The following GATA1 variants were observed in gnomAD, a reference collection of about 807,000 sequenced individuals.
GATA1 encodes the protein GATA binding protein 1.
Under a neutral mutation model 18.9 loss-of-function variants are expected in GATA1, and 2 were observed. The ratio of observed to expected loss-of-function variants is 0.11; its 90% CI spans 0.04 to 0.33. GATA1 has a LOEUF of 0.33. Among genes scored for constraint, GATA1 ranks in the 10% least tolerant of loss-of-function variants. GATA1 has a pLI of 1.00. For missense variants in GATA1, 272 were observed against 344.7 expected (o/e 0.79, Z 1.67); for synonymous variants, 152 against 149.1 (o/e 1.02, Z -0.14).
chrX:48,793,879 C>T lies in GATA1; in HGVS notation c.957C>T (p.Ser319=). 2 of 1,207,907 alleles carry T rather than the reference C, an allele frequency of 1.7e-6. No homozygotes were observed. The highest frequency in any genetic ancestry group is 2.2e-6 in the Non-Finnish European group (2 of 893,381). Residue 319 remains serine, a synonymous_variant, in exon 6 of 6, where the codon TCC becomes TCT. Transcript: ENST00000376670. ...GAAAAGGGAAAAAGAAACGGGGCTC[C>T]AGTCTGGGAGGCACAGGAGCAGCCG... ...ASGKGKKKRG[S]SLGGTGAAEG...
At chrX:48,787,764 T>C (rs1036278801) in intron 1 of GATA1, among the ~76,000 whole-genome samples, 3 of 110,894 alleles carry the variant, frequency 2.7e-5, no homozygotes, top group Admixed American at 9.6e-5. Flanking sequence ...ATATCTGACC[T>C]TCAAATTCCA....
rs1168924719 is a variant in GATA1, at chrX:48,791,133, C to T, written c.24C>T (p.Ser8=). ...CCATGGAGTTCCCTGGCCTGGGGTCCCTGGGGACCTCAGAGCCCCTCCCCC... is the reference window on the plus strand; with the variant it reads ...CCATGGAGTTCCCTGGCCTGGGGTCTCTGGGGACCTCAGAGCCCCTCCCCC... MEFPGLG[S]LGTSEPLPQF... The change falls in exon 2 of 6, where the codon TCC becomes TCT. Residue 8 remains serine (S), a synonymous_variant. Coordinates refer to ENST00000376670, the MANE Select transcript of GATA1 (RefSeq NM_002049.4). 2 of 1,206,814 alleles carry T rather than the reference C, an allele frequency of 1.7e-6. No individual in the cohort carries two copies. The highest frequency in any genetic ancestry group is 2.2e-6 in the Non-Finnish European group (2 of 893,389).
In GATA1 at chrX:48,791,323, T is replaced by G; in HGVS notation, c.214T>G (p.Ser72Ala). The G allele has an allele frequency of 8.3e-7, 1 of 1,198,570 alleles. No individual in the cohort carries two copies. Among genetic ancestry groups the G allele is most frequent in the Non-Finnish European group, 1.1e-6 (1 of 888,496 alleles). ...YYRDAEAYRH[S>A]PVFQVYPLLN... ...CAGGGACGCTGAGGCCTACAGACAC[T>G]CCCCAGGTAACTCCATTGAGTGGCT... Residue 72 changes from serine to alanine, a missense_variant, in exon 2 of 6, where the codon TCC becomes GCC. Physicochemically the swap from Ser to Ala is moderately conservative, Grantham distance 99 (BLOSUM62 1). Transcript: ENST00000376670.
chrX:48,791,949 T>C lies in GATA1; in HGVS notation c.326T>C (p.Val109Ala), dbSNP rs782476971. The C allele has an allele frequency of 1.7e-6, 2 of 1,211,701 alleles. No individual in the cohort carries two copies. The highest frequency in any genetic ancestry group is 1.8e-5 in the South Asian group (1 of 57,001). ...ACGGGGCTCTACCCTGCCTCAACTGTGTGTCCCACCCGCGAGGACTCTCCT... is the reference window on the plus strand; with the variant it reads ...ACGGGGCTCTACCCTGCCTCAACTGCGTGTCCCACCCGCGAGGACTCTCCT... ...GKTGLYPAST[V>A]CPTREDSPPQ... Residue 109 changes from valine (V) to alanine (A), a missense_variant, in exon 3 of 6, where the codon GTG becomes GCG. Physicochemically the swap from Val to Ala is moderately conservative, Grantham distance 64. Coordinates refer to ENST00000376670, the MANE Select transcript of GATA1 (RefSeq NM_002049.4).
In GATA1 at chrX:48,791,174, C is replaced by G. The variant is rs139200954; in HGVS notation, c.65C>G (p.Ala22Gly). The change falls in exon 2 of 6, where the codon GCT becomes GGT. Residue 22 changes from alanine to glycine, a missense_variant. This residue lies in a region of GATA1 where 147 missense variants were observed against 157.4 expected (regional missense o/e 0.93). Coordinates refer to ENST00000376670, the MANE Select transcript of GATA1 (RefSeq NM_002049.4). ...SEPLPQFVDP[A>G]LVSSTPESGV... The stretch of plus-strand genomic sequence containing the variant: ...CCCCTCCCCCAGTTTGTGGATCCTG[C>G]TCTGGTGTCCTCCACACCAGAATCA... 547 of 1,206,198 alleles carry G rather than the reference C, an allele frequency of 4.5e-4. 2 individuals are homozygous for G. Among genetic ancestry groups the G allele is most frequent in the Non-Finnish European group, 8.4e-5 (75 of 892,945 alleles).
At chrX:48,793,337 T>G (rs1557020474) in intron 5 of GATA1, 40 bp downstream of exon 5, 2 of 1,192,070 alleles carry the variant, frequency 1.7e-6, no homozygotes, top group Non-Finnish European at 2.3e-6. Flanking sequence ...CTGCTTTCCC[T>G]GTCTTCATGC....
chrX:48,789,696 G>T (rs781856531), intron 1 of GATA1, among the ~76,000 whole-genome samples: 18 of 108,606 alleles, frequency 1.7e-4, no homozygotes, highest in South Asian at 1.2e-3. Flanking sequence ...TTCAAAAGTT[G>T]GGCGGGGAAG....
chrX:48,792,917 C>T (rs2062679147), intron 4 of GATA1, among the ~76,000 whole-genome samples: 1 of 111,740 alleles, frequency 8.9e-6, no homozygotes, highest in Non-Finnish European at 1.9e-5. Flanking sequence ...TTTTAGCTCC[C>T]CAAGTGATTC....
Position 48,792,020 on chromosome X carries a change from C to T in GATA1, c.397C>T (p.Leu133=), listed in dbSNP as rs1557020203. ...DLDGKGSTSF[L]ETLKTERLSP... ...GGATGGAAAAGGCAGCACCAGCTTCCTGGAGACTTTGAAGACAGAGCGGCT... is the reference window on the plus strand; with the variant it reads ...GGATGGAAAAGGCAGCACCAGCTTCTTGGAGACTTTGAAGACAGAGCGGCT... Residue 133 remains leucine, a synonymous_variant, in exon 3 of 6, where the codon CTG becomes TTG. Transcript: ENST00000376670. 4 of 1,210,289 alleles carry T rather than the reference C, an allele frequency of 3.3e-6. No individual in the cohort carries two copies. The highest frequency in any genetic ancestry group is 3.0e-5 in the East Asian group (1 of 33,766).
At chrX:48,790,830 C>T (rs932075620) in intron 1 of GATA1, among the ~76,000 whole-genome samples, 11 of 94,043 alleles carry the variant, frequency 1.2e-4, no homozygotes, top group East Asian at 3.4e-4. Flanking sequence ...AGGGGGAGAA[C>T]GAGGAGGAAG....
Position 48,794,220 on chromosome X carries a change from G to T in GATA1, c.*56G>T. On this transcript the variant is annotated 3_prime_UTR_variant, in exon 6 of 6. Coordinates refer to ENST00000376670, the MANE Select transcript of GATA1 (RefSeq NM_002049.4). Reference sequence around the variant, plus strand: ...TGGTGTCCTTCTCCTCTTGTAGCCAGAATTCTGGACAACCCAAGTCTCTGG... The same window carrying T: ...TGGTGTCCTTCTCCTCTTGTAGCCATAATTCTGGACAACCCAAGTCTCTGG... 8.4e-7 allele frequency: 1 copy of T among 1,187,316 alleles called. No individual in the cohort carries two copies. The highest frequency in any genetic ancestry group is 1.1e-6 in the Non-Finnish European group (1 of 879,241).
In GATA1 at chrX:48,791,926, G is replaced by A. The variant is rs145355350; in HGVS notation, c.303G>A (p.Thr101=). ...ATGCCGGCTGGGCCTACGGCAAGAC[G>A]GGGCTCTACCCTGCCTCAACTGTGT... ...SPYAGWAYGK[T]GLYPASTVCP... Residue 101 remains threonine, a synonymous_variant, in exon 3 of 6, where the codon ACG becomes ACA. Coordinates refer to ENST00000376670, the MANE Select transcript of GATA1 (RefSeq NM_002049.4). The A allele has an allele frequency of 7.4e-6, 9 of 1,210,210 alleles. No individual in the cohort carries two copies. The highest frequency in any genetic ancestry group is 3.5e-5 in the African/African-American group (2 of 57,228).
intron 5 of GATA1, 142 bp downstream of exon 5, chrX:48,793,439 CCCATCTCTTCTACTTTCCCCCTTCCT>C (rs1232939718): frequency 5.6e-5 from 29 of 522,360 alleles, no homozygotes; most frequent in Admixed American, 2.3e-4. Context: ...TCCCCCTTCC[CCCATCTCTTCTACTTTCCCCCTTCCT>C]CCATCTCTTC....
At chrX:48,789,820 C>T (rs782384053) in intron 1 of GATA1, among the ~76,000 whole-genome samples, 4 of 110,448 alleles carry the variant, frequency 3.6e-5, no homozygotes, top group Admixed American at 2.9e-4. Context: ...GGAGTCAAGC[C>T]CGGAAACCAT....
intron 1 of GATA1, among the ~76,000 whole-genome samples, chrX:48,788,323 T>C (rs782495426): frequency 1.8e-4 from 19 of 104,272 alleles, no homozygotes; most frequent in Admixed American, 1.5e-3. Context: ...AGAGAGAAAC[T>C]CAACGAGTAA....
chrX:48,788,971 GGAAGACAGAAAA>G (rs1476700514), intron 1 of GATA1, among the ~76,000 whole-genome samples: 2 of 111,683 alleles, frequency 1.8e-5, no homozygotes, highest in Non-Finnish European at 3.8e-5. Flanking sequence ...GAGAAACATG[GGAAGACAGAAAA>G]GAAGACAGAA....
Position 48,791,959 on chromosome X carries a change from C to T in GATA1, c.336C>T (p.Thr112=), listed in dbSNP as rs1557020185. The change falls in exon 3 of 6, where the codon ACC becomes ACT. Residue 112 remains threonine (T), a synonymous_variant. Transcript: ENST00000376670. ...GLYPASTVCP[T]REDSPPQAVE... is the part of the protein sequence containing the mutation. ...ACCCTGCCTCAACTGTGTGTCCCAC[C>T]CGCGAGGACTCTCCTCCCCAGGCCG... The T allele has an allele frequency of 8.3e-7, 1 of 1,210,006 alleles. No individual in the cohort carries two copies. Among genetic ancestry groups the T allele is most frequent in the Non-Finnish European group, 1.1e-6 (1 of 895,158 alleles).
chrX:48,792,260 A>C, intron 3 of GATA1, 39 bp downstream of exon 3: 1 of 1,211,750 alleles, frequency 8.3e-7, no homozygotes, highest in Non-Finnish European at 1.1e-6. Context: ...TTGAGGTGGG[A>C]GGGGTGGCCC....
Position 48,793,259 on chromosome X carries a change from G to A in GATA1, c.832G>A (p.Val278Met), listed in dbSNP as rs1182221051. 1.7e-6 allele frequency: 2 copies of A among 1,206,618 alleles called. No homozygotes were observed. The highest frequency in any genetic ancestry group is 2.2e-6 in the Non-Finnish European group (2 of 893,878). ...GCGGAGAAATGCCAGTGGGGATCCCGTGTGCAATGCCTGCGGCCTCTACTA... is the reference window on the plus strand; with the variant it reads ...GCGGAGAAATGCCAGTGGGGATCCCATGTGCAATGCCTGCGGCCTCTACTA... ...LWRRNASGDP[V>M]CNACGLYYKL... The change falls in exon 5 of 6, where the codon GTG becomes ATG. Residue 278 changes from valine (V) to methionine (M), a missense_variant. Coordinates refer to ENST00000376670, the MANE Select transcript of GATA1 (RefSeq NM_002049.4).
Sources: gnomAD v4.1 joint callset for allele counts (sites outside exome capture counted in the v4.1 genomes callset) on GRCh38, gnomAD v4.1.1 for gene constraint, gnomAD v4.1.1 regional missense constraint, MANE v1.5 for transcripts, NCBI Gene and HGNC (gene_info 2026-07-23, HGNC 2026-07-21) for gene names.